Variants in PLPPR1 observed in about 807,000 individuals in gnomAD.
PLPPR1 encodes phospholipid phosphatase related 1, also known as phospholipid phosphatase-related protein type 1.
Under a neutral mutation model 33.1 loss-of-function variants are expected in PLPPR1, and 10 were observed. The observed-to-expected ratio is 0.30, with a 90% CI of 0.19 to 0.51. The LOEUF is 0.51. PLPPR1 is among the 20% of genes least tolerant of loss of function. The probability of loss-of-function intolerance (pLI) is 0.97; values close to 1 mark genes in which losing one functional copy is unlikely to be tolerated. For synonymous variants in PLPPR1, 151 were observed against 151.0 expected, an observed-to-expected ratio of 1.00 and a Z score of 0.00; for missense variants, 304 against 408.1, an observed-to-expected ratio of 0.74 and a Z score of 2.20.
At chr9:101,156,566 AAAAAAAAG>A (rs201860541) in intron 1 of PLPPR1, among the ~76,000 whole-genome samples, 13,804 of 138,866 alleles carry the variant, frequency 0.099, 483 homozygotes, top group Non-Finnish European at 0.14. Context: ...AAAAAAAAAA[AAAAAAAAG>A]AAAGAAAGAA....
At chr9:101,086,441 G>T (rs1303372394) in intron 1 of PLPPR1, among the ~76,000 whole-genome samples, 1 of 151,866 alleles carries the variant, frequency 6.6e-6, no homozygotes, top group Admixed American at 6.6e-5. Flanking sequence ...TGCCCATTTT[G>T]CTCAGTAACC....
intron 1 of PLPPR1, among the ~76,000 whole-genome samples, chr9:101,149,670 T>G (rs1446022274): frequency 1.1e-4 from 16 of 152,186 alleles, no homozygotes; most frequent in Admixed American, 1.0e-3. Context: ...CTTCTATATG[T>G]TGCTAGAAAG....
intron 4 of PLPPR1, among the ~76,000 whole-genome samples, chr9:101,287,682 G>A (rs1828418647): frequency 6.6e-6 from 1 of 151,996 alleles, no homozygotes; most frequent in Non-Finnish European, 1.5e-5. Flanking sequence ...TGCATTTTTA[G>A]TAGAGACGAG....
In PLPPR1 at chr9:101,323,044, CTA is replaced by C. The variant is rs1219614845; in HGVS notation, c.946-980_946-979del. 2.5e-4 allele frequency among the ~76,000 whole-genome samples: 38 copies of C among 152,278 alleles called. 1 individual carries two copies. The highest frequency in any genetic ancestry group is 1.2e-3 in the South Asian group (6 of 4,816). On this transcript the variant is annotated intron_variant, in intron 7 of 7. Coordinates refer to ENST00000374874, the MANE Select transcript of PLPPR1 (RefSeq NM_207299.2). ...ACTCACTTCTATGTAATTTGTGACT[CTA>C]ATGATAAAACATGTAGAAAGGTTTT...
chr9:101,052,352 G>A lies in PLPPR1; in HGVS notation c.-46+23250G>A, dbSNP rs529346830. 2.0e-5 allele frequency among the ~76,000 whole-genome samples: 3 copies of A among 152,304 alleles called. No homozygotes were observed. In the South Asian group the frequency reaches 6.2e-4, roughly 32 times the overall value. On this transcript the variant is annotated intron_variant, in intron 1 of 7. Coordinates refer to ENST00000374874, the MANE Select transcript of PLPPR1 (RefSeq NM_207299.2). Reference sequence around the variant, plus strand: ...TAGAGACATTTTTAGCTGCCACAATGGGGGAAGGAGTAGAGCTATGGTGTC... The same window carrying A: ...TAGAGACATTTTTAGCTGCCACAATAGGGGAAGGAGTAGAGCTATGGTGTC...
intron 1 of PLPPR1, among the ~76,000 whole-genome samples, chr9:101,156,734 G>A (rs538440720): frequency 1.8e-4 from 27 of 152,128 alleles, no homozygotes; most frequent in African/African-American, 4.8e-4. Flanking sequence ...AATACCTGAG[G>A]GAGGTTTTAA....
At chr9:101,080,673 G>A (rs146150554) in intron 1 of PLPPR1, among the ~76,000 whole-genome samples, 63 of 152,208 alleles carry the variant, frequency 4.1e-4, no homozygotes, top group African/African-American at 1.5e-3. Context: ...CTAATCCCCT[G>A]CATGTCTGCC....
intron 1 of PLPPR1, among the ~76,000 whole-genome samples, chr9:101,123,902 C>T (rs1831209275): frequency 6.6e-6 from 1 of 152,046 alleles, no homozygotes; most frequent in Admixed American, 6.6e-5. Flanking sequence ...TTCCAAAGGC[C>T]ACAAGGGGTT....
At chr9:101,063,665 A>G (rs1056406338) in intron 1 of PLPPR1, among the ~76,000 whole-genome samples, 1 of 151,984 alleles carries the variant, frequency 6.6e-6, no homozygotes, top group African/African-American at 2.4e-5. Context: ...GCCTTTGTCT[A>G]TGTTGTTCCT....
chr9:101,317,546 G>A, intron 7 of PLPPR1, 50 bp downstream of exon 7: 1 of 1,575,164 alleles, frequency 6.3e-7, no homozygotes, highest in Non-Finnish European at 8.7e-7. Flanking sequence ...GAACACTTTG[G>A]GAGGTCAGTA....
chr9:101,098,941 C>T (rs1014666253), intron 1 of PLPPR1, among the ~76,000 whole-genome samples: 3 of 152,082 alleles, frequency 2.0e-5, no homozygotes, highest in Admixed American at 6.6e-5. Context: ...AGGCTGTCCT[C>T]GACATGCTTG....
At chr9:101,245,352 T>C (rs545218340) in intron 2 of PLPPR1, among the ~76,000 whole-genome samples, 10 of 152,118 alleles carry the variant, frequency 6.6e-5, no homozygotes, top group African/African-American at 2.4e-4. Flanking sequence ...ATGACTGATA[T>C]ACCATTTTTA....
Position 101,190,418 on chromosome 9 carries a change from T to C in PLPPR1, c.63+4861T>C, listed in dbSNP as rs572872624. On this transcript the variant is annotated intron_variant, in intron 2 of 7. Coordinates refer to ENST00000374874, the MANE Select transcript of PLPPR1 (RefSeq NM_207299.2). ...AACTTGGATCTCACTAAGTTCTTCA[T>C]AGAGCCGGGACTGTTGGGCCATGCT... 1.8e-4 allele frequency among the ~76,000 whole-genome samples: 27 copies of C among 152,320 alleles called. 1 individual carries two copies. The South Asian group carries it at 5.6e-3, about 32-fold the overall frequency.
At chr9:101,045,038 G>C (rs978956897) in intron 1 of PLPPR1, among the ~76,000 whole-genome samples, 1 of 152,082 alleles carries the variant, frequency 6.6e-6, no homozygotes, top group Non-Finnish European at 1.5e-5. Context: ...AAATGGAAAG[G>C]GTCAAGGGAG....
At chr9:101,100,426 A>G (rs566299849) in intron 1 of PLPPR1, among the ~76,000 whole-genome samples, 111 of 152,226 alleles carry the variant, frequency 7.3e-4, no homozygotes, top group African/African-American at 2.6e-3. Context: ...TATTTGTGAA[A>G]AAAACCTAAG....
intron 1 of PLPPR1, among the ~76,000 whole-genome samples, chr9:101,055,691 A>T (rs1261018155): frequency 6.6e-6 from 1 of 152,148 alleles, no homozygotes; most frequent in Non-Finnish European, 1.5e-5. Flanking sequence ...ATCCAATTTG[A>T]TGGGTCTTTC....
chr9:101,109,389 C>T (rs902700041), intron 1 of PLPPR1, among the ~76,000 whole-genome samples: 1 of 151,942 alleles, frequency 6.6e-6, no homozygotes, highest in African/African-American at 2.4e-5. Context: ...CTTAGATTTC[C>T]CCAAGGGCGT....
intron 4 of PLPPR1, among the ~76,000 whole-genome samples, chr9:101,300,725 C>T (rs950221008): frequency 3.3e-5 from 5 of 152,226 alleles, no homozygotes; most frequent in Non-Finnish European, 5.9e-5. Flanking sequence ...ATTTCGATAT[C>T]TCTTGGTAGC....
At position 101,286,206 on chromosome 9, in the gene PLPPR1, C is replaced by T; in HGVS notation, c.355C>T (p.Pro119Ser). Residue 119 changes from proline (P) to serine (S), a missense_variant, in exon 4 of 8, where the codon CCC becomes TCC. Physicochemically the swap from Pro to Ser is moderately conservative, Grantham distance 74. Transcript: ENST00000374874. ...GACCGGAGAATGCTGTTACCTGAACCCCTTACTTCGAAGGATCATAAGATT... is the reference window on the plus strand; with the variant it reads ...GACCGGAGAATGCTGTTACCTGAACTCCTTACTTCGAAGGATCATAAGATT... ...ILTGECCYLN[P>S]LLRRIIRFTG... 1 of 1,613,658 alleles carries T rather than the reference C, an allele frequency of 6.2e-7. No individual in the cohort carries two copies. Among genetic ancestry groups the T allele is most frequent in the Non-Finnish European group, 8.5e-7 (1 of 1,179,698 alleles).
Sources: allele counts gnomAD v4.1 joint callset (sites outside exome capture counted in the v4.1 genomes callset), GRCh38; gene constraint gnomAD v4.1.1; transcripts MANE v1.5; gene names NCBI Gene and HGNC (gene_info 2026-07-23, HGNC 2026-07-21).